KDM2A: variants seen among roughly 807,000 people sequenced by gnomAD.
The protein encoded by KDM2A is lysine demethylase 2A.
Under a neutral mutation model 137.3 loss-of-function variants are expected in KDM2A, and 3 were observed. The ratio of observed to expected loss-of-function variants is 0.02; its 90% CI spans 0.01 to 0.06. The LOEUF is 0.06. Ranked by LOEUF, KDM2A falls within the 10% of genes least tolerant of loss-of-function variation. The pLI, the probability that KDM2A is intolerant of heterozygous loss-of-function variation, is 1.00. For synonymous variants in KDM2A, 512 were observed against 541.5 expected, an observed-to-expected ratio of 0.95 and a Z score of 0.76; for missense variants, 738 against 1,510.6, an observed-to-expected ratio of 0.49 and a Z score of 8.48.
intron 5 of KDM2A, among the ~76,000 whole-genome samples, chr11:67,193,353 G>A (rs185006978): frequency 6.6e-6 from 1 of 152,292 alleles, no homozygotes; most frequent in African/African-American, 2.4e-5. Context: ...TAATCTGCAT[G>A]TCCTGTAAGG....
chr11:67,183,621 C>A (rs968923621), intron 5 of KDM2A, among the ~76,000 whole-genome samples: 1 of 152,192 alleles, frequency 6.6e-6, no homozygotes, highest in African/African-American at 2.4e-5. Context: ...CAGTTTCAGG[C>A]CTTAGCACAG....
intron 2 of KDM2A, among the ~76,000 whole-genome samples, chr11:67,177,956 G>A (rs1466633309): frequency 1.3e-5 from 2 of 152,082 alleles, no homozygotes; most frequent in Admixed American, 1.3e-4. Context: ...TAATCTCATG[G>A]GAACACTGTC....
At chr11:67,210,047 C>G (rs1157457311) in intron 6 of KDM2A, among the ~76,000 whole-genome samples, 1 of 151,686 alleles carries the variant, frequency 6.6e-6, no homozygotes, top group African/African-American at 2.4e-5. Flanking sequence ...AAGAATCTGT[C>G]TCAAAAAAAT....
In KDM2A at chr11:67,246,079, G is replaced by A. The variant is rs1859194352; in HGVS notation, c.1928G>A (p.Cys643Tyr). ...TTTGAGAAGAAACTCATGGAATGCTGTATCTGCAATGAGATTGTTCATCCT... is the reference window on the plus strand; with the variant it reads ...TTTGAGAAGAAACTCATGGAATGCTATATCTGCAATGAGATTGTTCATCCT... ...QDFEKKLMEC[C>Y]ICNEIVHPGC... Residue 643 changes from cysteine to tyrosine, a missense_variant, in exon 15 of 21, where the codon TGT becomes TAT. Cys to Tyr is a radical substitution (Grantham distance 194, BLOSUM62 -2). This residue lies in a region of KDM2A where 20 missense variants were observed against 62.3 expected (regional missense o/e 0.32). Coordinates refer to ENST00000529006, the MANE Select transcript of KDM2A (RefSeq NM_012308.3). The A allele has an allele frequency of 6.2e-7, 1 of 1,613,860 alleles. No individual in the cohort carries two copies. Among genetic ancestry groups the A allele is most frequent in the Non-Finnish European group, 8.5e-7 (1 of 1,179,884 alleles).
intron 2 of KDM2A, among the ~76,000 whole-genome samples, chr11:67,141,719 T>TA (rs1209223058): frequency 1.4e-5 from 2 of 146,158 alleles, no homozygotes; most frequent in Admixed American, 6.9e-5. Context: ...AATTCATTGT[T>TA]ACTAATTATA....
At chr11:67,247,113 G>T (rs1307557011) in intron 15 of KDM2A, among the ~76,000 whole-genome samples, 1 of 70,036 alleles carries the variant, frequency 1.4e-5, no homozygotes, top group Non-Finnish European at 2.6e-5. Context: ...TTTGGAGACA[G>T]AGTCTTGCTC....
At chr11:67,241,130 G>A (rs1014239916) in intron 12 of KDM2A, among the ~76,000 whole-genome samples, 6 of 152,188 alleles carry the variant, frequency 3.9e-5, no homozygotes, top group African/African-American at 1.4e-4. Context: ...GAGGAAATGG[G>A]CAGAGTCCTA....
intron 2 of KDM2A, among the ~76,000 whole-genome samples, chr11:67,175,398 T>C (rs1013561062): frequency 3.3e-5 from 5 of 152,180 alleles, no homozygotes; most frequent in Non-Finnish European, 5.9e-5. Flanking sequence ...ATCGTGCCAC[T>C]GCACCCCAGC....
chr11:67,197,787 C>G (rs1389487573), intron 5 of KDM2A, among the ~76,000 whole-genome samples: 1 of 152,182 alleles, frequency 6.6e-6, no homozygotes, highest in Non-Finnish European at 1.5e-5. Flanking sequence ...AGAACAGTGT[C>G]TGGCATATAC....
intron 5 of KDM2A, among the ~76,000 whole-genome samples, chr11:67,185,624 C>T (rs1000846249): frequency 2.7e-5 from 4 of 147,320 alleles, no homozygotes; most frequent in Middle Eastern, 3.3e-3. Flanking sequence ...TGGTGACGAG[C>T]GAAACTCTGT....
At chr11:67,200,503 G>A (rs572685586) in intron 5 of KDM2A, among the ~76,000 whole-genome samples, 4 of 149,116 alleles carry the variant, frequency 2.7e-5, no homozygotes, top group East Asian at 2.0e-4. Flanking sequence ...AGGCGTGAGC[G>A]ACCGTGCCCA....
chr11:67,146,812 A>G (rs1024268758), intron 2 of KDM2A, among the ~76,000 whole-genome samples: 10 of 152,026 alleles, frequency 6.6e-5, no homozygotes, highest in African/African-American at 2.4e-4. Context: ...ACATTCTTTA[A>G]TATTGGTTAT....
chr11:67,220,339 A>G (rs915938411), intron 10 of KDM2A, among the ~76,000 whole-genome samples: 1 of 152,170 alleles, frequency 6.6e-6, no homozygotes, highest in Non-Finnish European at 1.5e-5. Flanking sequence ...AAGGCCAGAC[A>G]TTTACCTCTG....
intron 11 of KDM2A, among the ~76,000 whole-genome samples, chr11:67,229,427 T>C (rs1858642625): frequency 6.6e-6 from 1 of 152,210 alleles, no homozygotes; most frequent in South Asian, 2.1e-4. Flanking sequence ...ATTTTTAGAC[T>C]CTTATATGTC....
chr11:67,144,309 G>A (rs1856194046), intron 2 of KDM2A, among the ~76,000 whole-genome samples: 1 of 149,188 alleles, frequency 6.7e-6, no homozygotes, highest in African/African-American at 2.5e-5. Flanking sequence ...CTGGAGTGCA[G>A]TGGGGTGACC....
At chr11:67,241,663 A>G (rs1439798112) in intron 12 of KDM2A, among the ~76,000 whole-genome samples, 1 of 152,172 alleles carries the variant, frequency 6.6e-6, no homozygotes, top group Non-Finnish European at 1.5e-5. Flanking sequence ...GAATCATGTA[A>G]CTTGTCTCCC....
chr11:67,236,547 G>C (rs1565418600), intron 12 of KDM2A, among the ~76,000 whole-genome samples: 1 of 152,056 alleles, frequency 6.6e-6, no homozygotes, highest in Admixed American at 6.6e-5. Context: ...ATATCTGGCG[G>C]CCCAGCTCAC....
At chr11:67,133,886 G>T (rs932581786) in intron 2 of KDM2A, among the ~76,000 whole-genome samples, 2 of 150,820 alleles carry the variant, frequency 1.3e-5, no homozygotes, top group Non-Finnish European at 2.9e-5. Context: ...TAGAGACAGG[G>T]TTTCACCATG....
intron 5 of KDM2A, among the ~76,000 whole-genome samples, chr11:67,201,218 ATG>A (rs61320277): frequency 6.2e-5 from 9 of 145,456 alleles, no homozygotes; most frequent in South Asian, 4.4e-4. Flanking sequence ...ATATATATAT[ATG>A]TGTGTGTGTG....
Sources: gnomAD v4.1 joint callset for allele counts (sites outside exome capture counted in the v4.1 genomes callset) on GRCh38, gnomAD v4.1.1 for gene constraint, gnomAD v4.1.1 regional missense constraint, MANE v1.5 for transcripts, NCBI Gene and HGNC (gene_info 2026-07-23, HGNC 2026-07-21) for gene names.